CEP192: variants seen among roughly 807,000 people sequenced by gnomAD.
CEP192 encodes centrosomal protein of 192 kDa.
CEP192 carries 151 observed loss-of-function variants against 271.8 expected under a neutral mutation model. The observed-to-expected ratio is 0.56, with a 90% CI of 0.49 to 0.64. CEP192 has a LOEUF of 0.64. CEP192 is among the 30% of genes least tolerant of loss of function. The pLI is 0.00. For synonymous variants in CEP192, 995 were observed against 1,076.5 expected, an observed-to-expected ratio of 0.92 and a Z score of 1.48; for missense variants, 2,910 against 3,020.5, an observed-to-expected ratio of 0.96 and a Z score of 0.86.
At chr18:13,071,617 A>G (rs2038018133) in intron 28 of CEP192, among the ~76,000 whole-genome samples, 1 of 152,222 alleles carries the variant, frequency 6.6e-6, no homozygotes, top group South Asian at 2.1e-4. Flanking sequence ...TTTTTAATGC[A>G]CCAGACTTGG....
chr18:13,015,428 C>T lies in CEP192; in HGVS notation c.620C>T (p.Thr207Ile). The change falls in exon 6 of 45, where the codon ACA becomes ATA. Residue 207 changes from threonine to isoleucine, a missense_variant. Thr to Ile is a moderately conservative substitution (Grantham distance 89, BLOSUM62 -1). Coordinates refer to ENST00000506447, the MANE Select transcript of CEP192 (RefSeq NM_032142.4). ...GAAAATGAGAAACTTATCTTACCGA[C>T]AAGCTTGGAAGATTCTTCTGGTACT... The part of the protein sequence containing the change: ...LLENEKLILP[T>I]SLEDSSDDDI... 3 of 1,551,344 alleles carry T rather than the reference C, an allele frequency of 1.9e-6. No homozygotes were observed. Among genetic ancestry groups the T allele is most frequent in the Non-Finnish European group, 2.6e-6 (3 of 1,146,744 alleles).
chr18:13,116,606 A>G, intron 43 of CEP192, 103 bp downstream of exon 43: 2 of 1,200,992 alleles, frequency 1.7e-6, no homozygotes, highest in Admixed American at 5.4e-5. Context: ...AAGTTGTAAG[A>G]ATGAGGTAAT....
At chr18:13,062,251 G>A (rs74767028) in intron 21 of CEP192, among the ~76,000 whole-genome samples, 6,634 of 152,236 alleles carry the variant, frequency 0.044, 216 homozygotes, top group East Asian at 0.14. Flanking sequence ...TGGAACTAGA[G>A]GAATTAGGCC....
chr18:13,037,118 C>CT, intron 11 of CEP192, 119 bp from the exon 12 acceptor site: 1 of 608,826 alleles, frequency 1.6e-6, no homozygotes, highest in Non-Finnish European at 2.9e-6. Context: ...TGAGTGCAAG[C>CT]TTTTACATAC....
intron 34 of CEP192, among the ~76,000 whole-genome samples, chr18:13,093,089 G>A (rs1455939213): frequency 6.6e-6 from 1 of 152,152 alleles, no homozygotes; most frequent in Non-Finnish European, 1.5e-5. Context: ...AACCCAGGAG[G>A]CAGAGCTTGC....
intron 2 of CEP192, 124 bp downstream of exon 2, chr18:12,999,712 T>A (rs2033485177): frequency 3.5e-6 from 2 of 572,078 alleles, no homozygotes; most frequent in Non-Finnish European, 5.6e-6. Context: ...TGGCCAAATA[T>A]GTGAAATGAA....
intron 33 of CEP192, 62 bp from the exon 34 acceptor site, chr18:13,092,315 T>G: frequency 2.7e-6 from 3 of 1,117,570 alleles, no homozygotes; most frequent in Non-Finnish European, 3.9e-6. Context: ...CAAATGTATC[T>G]GTTACTTTGT....
At position 13,063,328 on chromosome 18, in the gene CEP192, C is replaced by T. The variant is rs1486768005; in HGVS notation, c.4488+4016C>T. 4.6e-5 allele frequency among the ~76,000 whole-genome samples: 7 copies of T among 152,224 alleles called. 1 individual carries two copies. The highest frequency in any genetic ancestry group is 1.0e-4 in the Non-Finnish European group (7 of 68,032). On this transcript the variant is annotated intron_variant, in intron 21 of 44. Transcript: ENST00000506447. ...TAGTGGTTGTACTAATTCACATTCTCATCAACAGTGTACGAGGGTTCCCTT... is the reference window on the plus strand; with the variant it reads ...TAGTGGTTGTACTAATTCACATTCTTATCAACAGTGTACGAGGGTTCCCTT...
chr18:13,061,503 C>T (rs2037406525), intron 21 of CEP192, among the ~76,000 whole-genome samples: 1 of 152,164 alleles, frequency 6.6e-6, no homozygotes, highest in Admixed American at 6.5e-5. Context: ...AGCTCAACGA[C>T]TTTATTTTCT....
At chr18:13,093,729 C>T (rs1213193017) in intron 34 of CEP192, among the ~76,000 whole-genome samples, 1 of 152,232 alleles carries the variant, frequency 6.6e-6, no homozygotes, top group Admixed American at 6.5e-5. Context: ...TTGGTAATTA[C>T]ATAACTTATG....
intron 3 of CEP192, among the ~76,000 whole-genome samples, chr18:13,002,014 G>A (rs546310519): frequency 2.0e-5 from 3 of 152,220 alleles, no homozygotes; most frequent in South Asian, 2.1e-4. Context: ...CACCGCGCCC[G>A]GCCAAGAGTT....
At position 13,049,782 on chromosome 18, in the gene CEP192, C is replaced by A; in HGVS notation, c.2908C>A (p.Pro970Thr). The change falls in exon 17 of 45, where the codon CCT becomes ACT. Residue 970 changes from proline (P) to threonine (T), a missense_variant. By Grantham distance (38) the Pro-to-Thr change is conservative. Transcript: ENST00000506447. Reference protein sequence around the residue: ...PKNSDLKNTSPEHGGRGSEDE... With the variant: ...PKNSDLKNTSTEHGGRGSEDE... ...TCTGATAGATTTGAAAAATACCTCT[C>A]CTGAGCATGGTGGACGTGGCTCAGA... is the stretch of plus-strand genomic sequence containing the variant. 6.2e-7 allele frequency: 1 copy of A among 1,613,660 alleles called. No individual in the cohort carries two copies. The highest frequency in any genetic ancestry group is 8.5e-7 in the Non-Finnish European group (1 of 1,179,842).
chr18:13,056,453 G>T lies in CEP192; in HGVS notation c.3863G>T (p.Cys1288Phe). The T allele has an allele frequency of 6.2e-7, 1 of 1,614,276 alleles. No homozygotes were observed. Among genetic ancestry groups the T allele is most frequent in the Non-Finnish European group, 8.5e-7 (1 of 1,180,042 alleles). ...TGCCATGCTGGCAATGCCACAGTCT[G>T]TGGCTTCTCAGGAGGCCTTCCCTAT... ...PQCHAGNATV[C>F]GFSGGLPYPA... The change falls in exon 19 of 45, where the codon TGT (cysteine) becomes TTT (phenylalanine). Residue 1288 changes from cysteine to phenylalanine, a missense_variant. Coordinates refer to ENST00000506447, the MANE Select transcript of CEP192 (RefSeq NM_032142.4).
In CEP192 at chr18:13,049,338, TGGAG is replaced by T. The variant is rs767312542; in HGVS notation, c.2548_2551del (p.Gly850ArgfsTer11). The T allele has an allele frequency of 1.9e-6, 3 of 1,613,888 alleles. No homozygotes were observed. The highest frequency in any genetic ancestry group is 2.7e-5 in the African/African-American group (2 of 74,892). On this transcript the variant is annotated frameshift_variant, in exon 16 of 45. Coordinates refer to ENST00000506447, the MANE Select transcript of CEP192 (RefSeq NM_032142.4). LOFTEE classifies it high-confidence loss of function. The stretch of plus-strand genomic sequence containing the variant: ...CAGCAGCTATTGTTTATGTTGAAAA[TGGAG>T]AGAGTGAGAATCAAGAGTCATTTAG...
chr18:13,029,832 A>G lies in CEP192; in HGVS notation c.1220A>G (p.Asp407Gly). 1 of 1,551,676 alleles carries G rather than the reference A, an allele frequency of 6.4e-7. No individual in the cohort carries two copies. Among genetic ancestry groups the G allele is most frequent in the Non-Finnish European group, 8.7e-7 (1 of 1,146,984 alleles). ...PHQNKTVLHM[D>G]GCLDTETPTV... Reference sequence around the variant, plus strand: ...CAAAATAAGACAGTTTTGCACATGGATGGATGTTTAGACACTGAGACTCCT... The same window carrying G: ...CAAAATAAGACAGTTTTGCACATGGGTGGATGTTTAGACACTGAGACTCCT... The change falls in exon 10 of 45, where the codon GAT becomes GGT. Residue 407 changes from aspartate (D) to glycine (G), a missense_variant. Physicochemically the swap from Asp to Gly is moderately conservative, Grantham distance 94. Transcript: ENST00000506447.
At chr18:13,029,380 A>G (rs924277410) in intron 9 of CEP192, among the ~76,000 whole-genome samples, 2 of 152,220 alleles carry the variant, frequency 1.3e-5, no homozygotes, top group African/African-American at 4.8e-5. Context: ...CAACATTTCT[A>G]TCATCCTGTA....
At chr18:13,053,494 G>A (rs760080536) in intron 18 of CEP192, among the ~76,000 whole-genome samples, 1 of 152,140 alleles carries the variant, frequency 6.6e-6, no homozygotes, top group Non-Finnish European at 1.5e-5. Flanking sequence ...TAACACATGG[G>A]GAGGTGGAGA....
chr18:13,098,324 C>A (rs2039516510), intron 36 of CEP192, among the ~76,000 whole-genome samples: 1 of 151,878 alleles, frequency 6.6e-6, no homozygotes, highest in Non-Finnish European at 1.5e-5. Flanking sequence ...CGGGGGCTGA[C>A]CCCCACCTCC....
intron 34 of CEP192, 56 bp from the exon 35 acceptor site, chr18:13,095,447 A>G: frequency 7.4e-7 from 1 of 1,352,136 alleles, no homozygotes; most frequent in South Asian, 1.3e-5. Context: ...TATCATTTTT[A>G]ACTTCTCAGT....
Sources: gnomAD v4.1 joint callset for allele counts (sites outside exome capture counted in the v4.1 genomes callset) on GRCh38, gnomAD v4.1.1 for gene constraint, MANE v1.5 for transcripts, NCBI Gene and HGNC (gene_info 2026-07-23, HGNC 2026-07-21) for gene names.